TMEM74: variants seen among roughly 807,000 people sequenced by gnomAD.
TMEM74 encodes transmembrane protein 74.
In TMEM74, 13 loss-of-function variants were observed where a neutral mutation model predicts 18.1. That is an observed-to-expected ratio of 0.72 (90% CI 0.47 to 1.14). The LOEUF is 1.14. TMEM74 is among the 50% of genes most tolerant of loss of function. TMEM74 has a pLI of 0.00. For missense variants in TMEM74, 372 were observed against 375.9 expected (o/e 0.99, Z 0.09); for synonymous variants, 159 against 146.6 (o/e 1.08, Z -0.61).
rs1814280831 is a variant in TMEM74, at chr8:108,779,818, G to GTT, written c.*4362_*4363insAA. On this transcript the variant is annotated 3_prime_UTR_variant, in exon 2 of 2. Coordinates refer to ENST00000297459, the MANE Select transcript of TMEM74 (RefSeq NM_153015.3). ...ATAAACCACGAGTACACTCTTGAGT[G>GTT]TAAGCCACAGATTCTTGAAATTAGT... Among the ~76,000 whole-genome samples, 1 of 152,304 alleles carries GTT rather than the reference G, an allele frequency of 6.6e-6. No homozygotes were observed. The highest frequency in any genetic ancestry group is 2.4e-5 in the African/African-American group (1 of 41,566).
chr8:108,738,731 C>G (rs1001902063), intron 1 of TMEM74, among the ~76,000 whole-genome samples: 5 of 152,038 alleles, frequency 3.3e-5, no homozygotes, highest in Admixed American at 6.6e-5. Flanking sequence ...AAAATAAAAT[C>G]AAAATAATAG....
At chr8:108,729,338 A>G (rs1262764114) in intron 1 of TMEM74, among the ~76,000 whole-genome samples, 2 of 152,102 alleles carry the variant, frequency 1.3e-5, no homozygotes, top group Non-Finnish European at 2.9e-5. Context: ...TCCCTCTTAT[A>G]CTTTGAATCT....
chr8:108,686,146 A>G (rs1042946542), intron 1 of TMEM74, among the ~76,000 whole-genome samples: 5 of 152,290 alleles, frequency 3.3e-5, no homozygotes, highest in East Asian at 1.9e-4. Flanking sequence ...CCTAAAAAAA[A>G]TTAAGCAAGA....
intron 1 of TMEM74, among the ~76,000 whole-genome samples, chr8:108,657,107 G>A (rs1481241926): frequency 1.3e-5 from 2 of 151,936 alleles, no homozygotes; most frequent in African/African-American, 4.8e-5. Context: ...ATTCCAATCA[G>A]CATCCCTAAT....
chr8:108,718,021 G>A (rs1351474236), intron 1 of TMEM74, among the ~76,000 whole-genome samples: 1 of 61,766 alleles, frequency 1.6e-5, no homozygotes, highest in Non-Finnish European at 2.4e-5. Flanking sequence ...TGCAGTGGCG[G>A]GATCTCGGCT....
rs373278352 is a variant in TMEM74 at position 108,724,293 on chromosome 8, T to C, written n.119+63183A>G. On this transcript the variant is annotated intron_variant and non_coding_transcript_variant, in intron 1 of 3. Transcript: ENST00000518838. ...TTCCAGTTACTGGTTTATAGGCTTG[T>C]CTTCATGACTGAACTCTTTATTTTG... 1.5e-4 allele frequency among the ~76,000 whole-genome samples: 23 copies of C among 152,354 alleles called. No homozygotes were observed. In the East Asian group the frequency reaches 3.3e-3, roughly 22 times the overall value.
In TMEM74 at chr8:108,785,127, T is replaced by C; in HGVS notation, c.-29A>G. ...AGCTAGTCAGACATCCCCCAGCAGC[T>C]TCCGGAAAGTCTGCCAATAGCAACA... On this transcript the variant is annotated 5_prime_UTR_variant, in exon 2 of 2. Transcript: ENST00000297459. The C allele has an allele frequency of 1.9e-6, 3 of 1,543,656 alleles. No homozygotes were observed. Among genetic ancestry groups the C allele is most frequent in the Non-Finnish European group, 2.6e-6 (3 of 1,149,710 alleles).
chr8:108,684,482 A>G (rs1485255800), intron 1 of TMEM74, among the ~76,000 whole-genome samples: 2 of 151,532 alleles, frequency 1.3e-5, no homozygotes, highest in South Asian at 2.1e-4. Context: ...TATTCTGGAT[A>G]TTAATGCCCT....
At chr8:108,785,628 T>C (rs1016513810) in intron 1 of TMEM74, among the ~76,000 whole-genome samples, 4 of 152,178 alleles carry the variant, frequency 2.6e-5, no homozygotes, top group African/African-American at 4.8e-5. Context: ...CAAATTCTAA[T>C]ACAGATTAGC....
chr8:108,658,441 T>G (rs528692085), intron 1 of TMEM74, among the ~76,000 whole-genome samples: 1 of 152,028 alleles, frequency 6.6e-6, no homozygotes, highest in Non-Finnish European at 1.5e-5. Context: ...GATAGACACA[T>G]TAGAAATGAG....
rs372892815 is a variant in TMEM74, at chr8:108,647,308, AGAC to A, written n.264+7982_264+7984del. 5.5e-4 allele frequency among the ~76,000 whole-genome samples: 84 copies of A among 152,314 alleles called. 1 individual carries two copies. The highest frequency in any genetic ancestry group is 1.9e-3 in the African/African-American group (80 of 41,588). On this transcript the variant is annotated intron_variant and non_coding_transcript_variant, in intron 2 of 3. Coordinates refer to the TMEM74 transcript ENST00000518838. Reference sequence around the variant, plus strand: ...TAATTTTGACTGGCCACCCAGATGAAGACAGCCTTAGAGATGTCTAGTTTGGCA... The same window carrying A: ...TAATTTTGACTGGCCACCCAGATGAAAGCCTTAGAGATGTCTAGTTTGGCA...
chr8:108,768,611 C>A (rs973662110), intron 1 of TMEM74, among the ~76,000 whole-genome samples: 4 of 152,242 alleles, frequency 2.6e-5, no homozygotes, highest in African/African-American at 7.2e-5. Flanking sequence ...ACCCGCGTTT[C>A]CCTCCCCTGT....
intron 2 of TMEM74, among the ~76,000 whole-genome samples, chr8:108,611,428 A>G (rs1370734587): frequency 6.6e-6 from 1 of 152,224 alleles, no homozygotes; most frequent in Non-Finnish European, 1.5e-5. Context: ...TCTCCAACAT[A>G]CTAATTATTC....
intron 1 of TMEM74, among the ~76,000 whole-genome samples, chr8:108,747,592 C>T (rs1455106286): frequency 6.6e-6 from 1 of 151,972 alleles, no homozygotes; most frequent in Non-Finnish European, 1.5e-5. Flanking sequence ...TTCAGGGGTA[C>T]ATGTGCAGGT....
At chr8:108,742,112 CAAAG>C (rs1813806873) in intron 1 of TMEM74, among the ~76,000 whole-genome samples, 1 of 151,772 alleles carries the variant, frequency 6.6e-6, no homozygotes, top group Non-Finnish European at 1.5e-5. Context: ...ATCACAAACA[CAAAG>C]AAGGGAGCAA....
chr8:108,628,814 T>C (rs1812521734), intron 2 of TMEM74, among the ~76,000 whole-genome samples: 1 of 152,124 alleles, frequency 6.6e-6, no homozygotes, highest in African/African-American at 2.4e-5. Flanking sequence ...GACTTTTTAA[T>C]GATTGCCATT....
chr8:108,619,982 C>T (rs1812423300), intron 2 of TMEM74, among the ~76,000 whole-genome samples: 2 of 152,084 alleles, frequency 1.3e-5, no homozygotes, highest in Non-Finnish European at 2.9e-5. Context: ...TCTTTTCCAC[C>T]TCCTCTTCCT....
intron 2 of TMEM74, among the ~76,000 whole-genome samples, chr8:108,634,140 A>C (rs1812582401): frequency 6.6e-6 from 1 of 151,908 alleles, no homozygotes; most frequent in African/African-American, 2.4e-5. Flanking sequence ...CAAAGCAGTC[A>C]CCTGGAGTGT....
chr8:108,744,292 C>A (rs1459079774), intron 1 of TMEM74, among the ~76,000 whole-genome samples: 1 of 151,938 alleles, frequency 6.6e-6, no homozygotes, highest in East Asian at 1.9e-4. Context: ...CAAAACAAGA[C>A]AAAATTTCAA....
Sources: gnomAD v4.1 joint callset for allele counts (sites outside exome capture counted in the v4.1 genomes callset) on GRCh38, gnomAD v4.1.1 for gene constraint, MANE v1.5 for transcripts, NCBI Gene and HGNC (gene_info 2026-07-23, HGNC 2026-07-21) for gene names.